The following DYNC2H1 variants were observed in gnomAD, a reference collection of about 807,000 sequenced individuals.
DYNC2H1 encodes cytoplasmic dynein 2 heavy chain 1.
In DYNC2H1, 410 loss-of-function variants were observed where a neutral mutation model predicts 570.0. The observed-to-expected ratio is 0.72, with a 90% CI of 0.66 to 0.78. DYNC2H1 has a LOEUF of 0.78. Ranked by LOEUF, DYNC2H1 falls within the 30% of genes least tolerant of loss-of-function variation. The pLI is 0.00. For missense variants in DYNC2H1, 4,865 were observed against 5,046.4 expected, an observed-to-expected ratio of 0.96 and a Z score of 1.09; for synonymous variants, 1,688 against 1,677.6, an observed-to-expected ratio of 1.01 and a Z score of -0.15.
Position 103,243,800 on chromosome 11 carries a change from T to G in DYNC2H1, c.9918+9T>G. On this transcript the variant is annotated intron_variant, in intron 64 of 88. Transcript: ENST00000375735. The surrounding 1 kb of genome is among the most constrained non-coding windows in gnomAD (Gnocchi z 4.8). Reference sequence around the variant, plus strand: ...AAGTTATCAATCAGCAGGTATGTATTATTTATAATTTACATACCAATTAGG... The same window carrying G: ...AAGTTATCAATCAGCAGGTATGTATGATTTATAATTTACATACCAATTAGG... The G allele has an allele frequency of 6.5e-7, 1 of 1,549,088 alleles. No individual in the cohort carries two copies. Among genetic ancestry groups the G allele is most frequent in the Non-Finnish European group, 8.8e-7 (1 of 1,139,700 alleles).
chr11:103,332,739 C>T (rs1482227394), intron 82 of DYNC2H1, among the ~76,000 whole-genome samples: 2 of 152,188 alleles, frequency 1.3e-5, no homozygotes, highest in Non-Finnish European at 2.9e-5. Flanking sequence ...CAGTGGCTCA[C>T]GCCTGCTATT....
intron 4 of DYNC2H1, 88 bp downstream of exon 4, chr11:103,115,383 T>C (rs1858334282): frequency 1.3e-6 from 1 of 782,540 alleles, no homozygotes. Context: ...TGTTTTAAAA[T>C]GTACTTGATG....
At position 103,205,079 on chromosome 11, in the gene DYNC2H1, ATCTCT is replaced by A; in HGVS notation, c.8454+117_8454+121del. 5.5e-6 allele frequency: 5 copies of A among 905,496 alleles called. No individual in the cohort carries two copies. Among genetic ancestry groups the A allele is most frequent in the Middle Eastern group, 3.5e-4 (1 of 2,878 alleles). 56.1% of individuals were successfully genotyped at this position (905,496 alleles called of 1,614,324 possible). A position where few individuals can be genotyped will look rare whatever the true frequency, so the allele number is the denominator to read the frequency against. ...CATCACCTTAATTATGGCACCAAAC[ATCTCT>A]TATGTTTGGAAATGTCTGTTTTCTT... On this transcript the variant is annotated intron_variant, in intron 52 of 88. Coordinates refer to ENST00000375735, the MANE Select transcript of DYNC2H1 (RefSeq NM_001377.3). This position sits in a 1 kb window ranked among gnomAD's most constrained non-coding sequence, Gnocchi z 4.5.
rs148296608 is a variant in DYNC2H1, at chr11:103,455,401, T to C, written c.12566+106T>C. The C allele has an allele frequency of 7.7e-4, 643 of 838,860 alleles. 5 individuals are homozygous for C. In the African/African-American group the frequency reaches 9.4e-3, roughly 12 times the overall value. 52.0% of individuals were successfully genotyped at this position (838,860 alleles called of 1,614,324 possible). On this transcript the variant is annotated intron_variant, in intron 86 of 88. Transcript: ENST00000375735. ...TGATTGTCAAGAAATAAATTTATTA[T>C]TGAAACACAGTTATGTTATTTTCTT...
In DYNC2H1 at chr11:103,243,785, T is replaced by C. The variant is rs888954731; in HGVS notation, c.9912T>C (p.Asn3304=). 3.8e-6 allele frequency: 6 copies of C among 1,582,308 alleles called. No homozygotes were observed. The highest frequency in any genetic ancestry group is 5.2e-6 in the Non-Finnish European group (6 of 1,161,830). ...AAGACTCACGTTTAGAAGTTATCAATCAGCAGGTATGTATTATTTATAATT... is the reference window on the plus strand; with the variant it reads ...AAGACTCACGTTTAGAAGTTATCAACCAGCAGGTATGTATTATTTATAATT... ...HLKDSRLEVI[N]QQDSNFITAL... is the part of the protein sequence containing the mutation. Residue 3304 remains asparagine, a synonymous_variant, in exon 64 of 89, where the codon AAT becomes AAC. Coordinates refer to ENST00000375735, the MANE Select transcript of DYNC2H1 (RefSeq NM_001377.3). The surrounding 1 kb of genome is among the most constrained non-coding windows in gnomAD (Gnocchi z 4.8).
intron 84 of DYNC2H1, among the ~76,000 whole-genome samples, chr11:103,431,215 T>TA (rs10645288): frequency 0.078 from 10,758 of 138,416 alleles, 837 homozygotes; most frequent in East Asian, 0.2. Flanking sequence ...TCATTTAGTT[T>TA]AAAAAAAAAA....
intron 10 of DYNC2H1, 107 bp downstream of exon 10, chr11:103,121,603 G>A: frequency 8.1e-7 from 1 of 1,232,424 alleles, no homozygotes; most frequent in Non-Finnish European, 1.1e-6. Context: ...TGTTTTCCTT[G>A]GCATGTCTGT....
rs866635399 is a variant in DYNC2H1, at chr11:103,189,043, A to G, written c.7292+395A>G. 7.9e-5 allele frequency among the ~76,000 whole-genome samples: 12 copies of G among 152,210 alleles called. No individual in the cohort carries two copies. Among genetic ancestry groups the G allele is most frequent in the Middle Eastern group, 6.8e-3 (2 of 294 alleles). Reference sequence around the variant, plus strand: ...AACAAGGGAGAATTAGGGTCATTTTAATGGCTGGTGGCATCAATGCTAATC... The same window carrying G: ...AACAAGGGAGAATTAGGGTCATTTTGATGGCTGGTGGCATCAATGCTAATC... On this transcript the variant is annotated intron_variant, in intron 44 of 88. Coordinates refer to ENST00000375735, the MANE Select transcript of DYNC2H1 (RefSeq NM_001377.3). This position sits in a 1 kb window ranked among gnomAD's most constrained non-coding sequence, Gnocchi z 4.3.
chr11:103,215,322 C>G (rs1434734744), intron 54 of DYNC2H1, among the ~76,000 whole-genome samples: 2 of 152,068 alleles, frequency 1.3e-5, no homozygotes, highest in African/African-American at 2.4e-5. Flanking sequence ...AGGTATGTTC[C>G]TCCAATGCCT....
rs1156665128 is a variant in DYNC2H1 at position 103,468,581 on chromosome 11, C to A, written c.12649-8C>A. On this transcript the variant is annotated splice_polypyrimidine_tract_variant and splice_region_variant and intron_variant, in intron 87 of 88. Coordinates refer to ENST00000375735, the MANE Select transcript of DYNC2H1 (RefSeq NM_001377.3). ...CATATTTTCATGACATATTTGTTTCCATGGCAGATCAGTGGCTTGTTACTA... is the reference window on the plus strand; with the variant it reads ...CATATTTTCATGACATATTTGTTTCAATGGCAGATCAGTGGCTTGTTACTA... The A allele has an allele frequency of 6.2e-7, 1 of 1,604,738 alleles. No individual in the cohort carries two copies. Among genetic ancestry groups the A allele is most frequent in the Non-Finnish European group, 8.5e-7 (1 of 1,172,390 alleles).
At chr11:103,206,264 T>C (rs1862920332) in intron 52 of DYNC2H1, among the ~76,000 whole-genome samples, 1 of 152,154 alleles carries the variant, frequency 6.6e-6, no homozygotes, top group Non-Finnish European at 1.5e-5. Context: ...GAAATGACTA[T>C]CATTTGAGAC....
At chr11:103,361,082 G>C (rs1354384545) in intron 83 of DYNC2H1, among the ~76,000 whole-genome samples, 1 of 152,164 alleles carries the variant, frequency 6.6e-6, no homozygotes, top group Non-Finnish European at 1.5e-5. Context: ...TGTGATTGGA[G>C]TATAGAGACC....
chr11:103,392,091 C>T lies in DYNC2H1; in HGVS notation c.12157-7572C>T, dbSNP rs191243835. ...GCCTTTTGTTTGGCTATGCCCTGCC[C>T]GCAGAGGTGGAGTCTACAGAGGCAG... On this transcript the variant is annotated intron_variant, in intron 83 of 88. Transcript: ENST00000375735. Among the ~76,000 whole-genome samples the T allele has an allele frequency of 6.6e-5, 10 of 152,340 alleles. No homozygotes were observed. The Middle Eastern group carries it at 0.01, about 155-fold the overall frequency.
chr11:103,284,161 A>G (rs1341684825), intron 73 of DYNC2H1, among the ~76,000 whole-genome samples: 1 of 152,102 alleles, frequency 6.6e-6, no homozygotes, highest in East Asian at 1.9e-4. Context: ...CAAGAATCCC[A>G]TTAGGTTGGT....
intron 84 of DYNC2H1, among the ~76,000 whole-genome samples, chr11:103,420,208 G>A (rs1422406931): frequency 6.6e-6 from 1 of 151,874 alleles, no homozygotes; most frequent in African/African-American, 2.4e-5. Flanking sequence ...GAACCAACTT[G>A]GAAAACATAT....
chr11:103,236,709 T>C (rs1299495537), intron 63 of DYNC2H1, among the ~76,000 whole-genome samples, 170 bp downstream of exon 63: 1 of 151,966 alleles, frequency 6.6e-6, no homozygotes, highest in East Asian at 1.9e-4. Context: ...TGTAAGACTT[T>C]CTGTATAATT....
At chr11:103,424,292 C>T (rs554518104) in intron 84 of DYNC2H1, among the ~76,000 whole-genome samples, 2 of 152,002 alleles carry the variant, frequency 1.3e-5, no homozygotes, top group South Asian at 4.2e-4. Context: ...ATGAGATAGC[C>T]CTGCACACTA....
chr11:103,471,989 A>C (rs1215272993), intron 88 of DYNC2H1, among the ~76,000 whole-genome samples: 1 of 152,180 alleles, frequency 6.6e-6, no homozygotes, highest in African/African-American at 2.4e-5. Flanking sequence ...TTTAAGGACA[A>C]ATTCAAAAAA....
Position 103,197,961 on chromosome 11 carries a change from G to A in DYNC2H1, c.7737G>A (p.Arg2579=), listed in dbSNP as rs764076152. 6.4e-7 allele frequency: 1 copy of A among 1,569,632 alleles called. No individual in the cohort carries two copies. The change falls in exon 48 of 89, where the codon CGG becomes CGA. Residue 2579 remains arginine (R), a synonymous_variant. Transcript: ENST00000375735. Reference sequence around the variant, plus strand: ...GTTTCTACGTTACATGGGGAGCTCGGCATAATTCAGGAGCAAGGGCAGCCC... The same window carrying A: ...GTTTCTACGTTACATGGGGAGCTCGACATAATTCAGGAGCAAGGGCAGCCC... The part of the protein sequence containing the change: ...SDSFYVTWGA[R]HNSGARAAPG...
Sources: gnomAD v4.1 joint callset for allele counts (sites outside exome capture counted in the v4.1 genomes callset) on GRCh38, gnomAD v4.1.1 for gene constraint, Gnocchi (gnomAD v3.1) non-coding constraint, MANE v1.5 for transcripts, NCBI Gene and HGNC (gene_info 2026-07-23, HGNC 2026-07-21) for gene names.